The following FAM184A variants were observed in gnomAD, a reference collection of about 807,000 sequenced individuals.
The protein encoded by FAM184A is protein FAM184A.
FAM184A carries 99 observed loss-of-function variants against 143.8 expected under a neutral mutation model. That is an observed-to-expected ratio of 0.69 (90% CI 0.58 to 0.81). FAM184A has a LOEUF of 0.81. Ranked by LOEUF, FAM184A falls within the 40% of genes least tolerant of loss-of-function variation. The pLI is 0.00. For missense variants in FAM184A, 1,217 were observed against 1,310.5 expected (o/e 0.93, Z 1.10); for synonymous variants, 427 against 446.4 (o/e 0.96, Z 0.55).
chr6:119,034,037 TATATAGAGAGAGAGAGAG>T (rs1363110202), intron 1 of FAM184A, among the ~76,000 whole-genome samples: 313 of 42,090 alleles, frequency 7.4e-3, no homozygotes, highest in African/African-American at 0.019. Context: ...TATATATATA[TATATAGAGAGAGAGAGAG>T]AGAGAGAGAG....
chr6:118,978,310 C>T (rs376152941), intron 11 of FAM184A, among the ~76,000 whole-genome samples: 1 of 152,190 alleles, frequency 6.6e-6, no homozygotes, highest in Non-Finnish European at 1.5e-5. Flanking sequence ...TTTCAATGGA[C>T]TAAACAACAA....
intron 1 of FAM184A, among the ~76,000 whole-genome samples, chr6:119,107,792 A>AAG (rs10656132): frequency 7.3e-5 from 10 of 136,482 alleles, no homozygotes; most frequent in East Asian, 2.3e-4. Flanking sequence ...AAAAAAAAAA[A>AAG]AAAGAAAGAA....
intron 1 of FAM184A, among the ~76,000 whole-genome samples, chr6:119,104,049 A>G (rs1023110988): frequency 1.3e-5 from 2 of 149,304 alleles, no homozygotes; most frequent in African/African-American, 4.9e-5. Context: ...TTTTATTTTT[A>G]TTTTTGAGAT....
chr6:119,136,761 T>G (rs558640524), intron 1 of FAM184A, among the ~76,000 whole-genome samples: 165 of 152,362 alleles, frequency 1.1e-3, no homozygotes, highest in African/African-American at 3.9e-3. Context: ...ACTTTCAAAT[T>G]CCTGCTACTG....
intron 1 of FAM184A, among the ~76,000 whole-genome samples, chr6:119,136,254 C>A (rs376446611): frequency 7.9e-6 from 1 of 126,160 alleles, no homozygotes; most frequent in African/African-American, 3.0e-5. Flanking sequence ...GTCCGCAGTC[C>A]GGCCTGGGCG....
chr6:119,051,885 A>C lies in FAM184A; in HGVS notation c.159+26256T>G, dbSNP rs557772422. 3.3e-5 allele frequency among the ~76,000 whole-genome samples: 5 copies of C among 152,346 alleles called. No homozygotes were observed. In the South Asian group the frequency reaches 8.3e-4, roughly 25 times the overall value. The stretch of plus-strand genomic sequence containing the variant: ...AGATTATTTTATGCAACAGAAAATA[A>C]GCACTGTAGACTCTGGTTGTATTTG... On this transcript the variant is annotated intron_variant, in intron 1 of 17. Transcript: ENST00000338891.
intron 1 of FAM184A, among the ~76,000 whole-genome samples, chr6:119,077,251 C>G (rs969785373): frequency 2.6e-5 from 4 of 152,162 alleles, no homozygotes; most frequent in African/African-American, 9.7e-5. Context: ...ATGCCCATCT[C>G]TCTTCAGCAT....
At chr6:119,064,960 T>G (rs1725637237) in intron 1 of FAM184A, among the ~76,000 whole-genome samples, 2 of 152,176 alleles carry the variant, frequency 1.3e-5, no homozygotes, top group Non-Finnish European at 2.9e-5. Context: ...TAGACACATA[T>G]CCAAGTGCTT....
At chr6:119,055,777 A>T in intron 1 of FAM184A, among the ~76,000 whole-genome samples, 1 of 152,122 alleles carries the variant, frequency 6.6e-6, no homozygotes, top group East Asian at 1.9e-4. Flanking sequence ...AATGGGTATG[A>T]CTTATTATGG....
chr6:118,995,999 G>A (rs985207790), intron 9 of FAM184A, among the ~76,000 whole-genome samples: 2 of 152,082 alleles, frequency 1.3e-5, no homozygotes, highest in African/African-American at 2.4e-5. Flanking sequence ...TATTCTTAAC[G>A]CACACTCTCT....
intron 1 of FAM184A, among the ~76,000 whole-genome samples, chr6:119,046,924 A>G (rs1206222893): frequency 6.6e-6 from 1 of 152,240 alleles, no homozygotes; most frequent in African/African-American, 2.4e-5. Context: ...CAAAGGATAT[A>G]ATCAACCAAG....
intron 1 of FAM184A, among the ~76,000 whole-genome samples, chr6:119,117,424 A>G (rs1194160596): frequency 6.6e-6 from 1 of 152,242 alleles, no homozygotes; most frequent in East Asian, 1.9e-4. Flanking sequence ...TTTCGTACTT[A>G]AAGTTGTCAG....
At chr6:119,026,939 C>T (rs146254711) in intron 1 of FAM184A, among the ~76,000 whole-genome samples, 35 of 152,286 alleles carry the variant, frequency 2.3e-4, no homozygotes, top group Non-Finnish European at 3.2e-4. Context: ...GAGAGCATGA[C>T]ACCTTTTAAG....
chr6:119,022,301 T>G lies in FAM184A; in HGVS notation c.1150+644A>C, dbSNP rs187515885. On this transcript the variant is annotated intron_variant, in intron 3 of 17. Coordinates refer to ENST00000338891, the MANE Select transcript of FAM184A (RefSeq NM_024581.6). ...CTCAAACCTCTGGCCACAAGTGATC[T>G]GCCCACTTTGGCCTCCCAAAGTGCT... Among the ~76,000 whole-genome samples the G allele has an allele frequency of 2.8e-3, 424 of 152,026 alleles. 1 individual carries two copies. Among genetic ancestry groups the G allele is most frequent in the African/African-American group, 9.8e-3 (408 of 41,508 alleles).
At chr6:119,120,979 C>CT (rs11375906) in intron 1 of FAM184A, among the ~76,000 whole-genome samples, 15,023 of 141,326 alleles carry the variant, frequency 0.11, 1,297 homozygotes, top group Admixed American at 0.23. Flanking sequence ...GAAAAACTTT[C>CT]TTTTTTTTTT....
chr6:119,113,129 T>G (rs540462493), intron 1 of FAM184A, among the ~76,000 whole-genome samples: 11 of 152,218 alleles, frequency 7.2e-5, no homozygotes, highest in Non-Finnish European at 1.5e-4. Flanking sequence ...CCAGCCCATT[T>G]CTGTGGCATG....
chr6:119,000,970 G>C lies in FAM184A; in HGVS notation c.2088+1929C>G, dbSNP rs571633557. Reference sequence around the variant, plus strand: ...GGAACAGGGCTTAGCAGCAGGGGCAGGCAAGTAGAAGGTGGTAGAGGGGCT... The same window carrying C: ...GGAACAGGGCTTAGCAGCAGGGGCACGCAAGTAGAAGGTGGTAGAGGGGCT... On this transcript the variant is annotated intron_variant, in intron 9 of 17. Transcript: ENST00000338891. 5.3e-5 allele frequency among the ~76,000 whole-genome samples: 8 copies of C among 151,258 alleles called. No homozygotes were observed. In the South Asian group the frequency reaches 1.7e-3, roughly 32 times the overall value.
At chr6:119,073,249 T>C (rs967015969) in intron 1 of FAM184A, among the ~76,000 whole-genome samples, 1 of 152,200 alleles carries the variant, frequency 6.6e-6, no homozygotes, top group African/African-American at 2.4e-5. Flanking sequence ...GAGGACTTGA[T>C]GCTAAGCACA....
chr6:119,126,813 G>A (rs1323180063), intron 1 of FAM184A, among the ~76,000 whole-genome samples: 1 of 152,136 alleles, frequency 6.6e-6, no homozygotes, highest in Non-Finnish European at 1.5e-5. Flanking sequence ...TAAATGTGGG[G>A]GATTTTATTG....
Sources: allele counts gnomAD v4.1 joint callset (sites outside exome capture counted in the v4.1 genomes callset), GRCh38; gene constraint gnomAD v4.1.1; transcripts MANE v1.5; gene names NCBI Gene and HGNC (gene_info 2026-07-23, HGNC 2026-07-21).